POLE2: variants seen among roughly 807,000 people sequenced by gnomAD.
POLE2 encodes DNA polymerase epsilon subunit 2.
In POLE2, 56 loss-of-function variants were observed where a neutral mutation model predicts 79.4. That is an observed-to-expected ratio of 0.71 (90% CI 0.57 to 0.88). The LOEUF (loss-of-function observed/expected upper bound fraction) is 0.88. Ranked by LOEUF, POLE2 falls within the 40% of genes least tolerant of loss-of-function variation. POLE2 has a pLI of 0.00. For missense variants in POLE2, 598 were observed against 638.9 expected, an observed-to-expected ratio of 0.94 and a Z score of 0.69; for synonymous variants, 212 against 214.0, an observed-to-expected ratio of 0.99 and a Z score of 0.08.
At chr14:49,660,038 A>C (rs1884989258) in intron 10 of POLE2, among the ~76,000 whole-genome samples, 1 of 152,210 alleles carries the variant, frequency 6.6e-6, no homozygotes, top group Non-Finnish European at 1.5e-5. Context: ...ACTCAGAGCA[A>C]CTTCCAGCCC....
chr14:49,662,689 G>T (rs1362973489), intron 10 of POLE2, among the ~76,000 whole-genome samples: 1 of 152,220 alleles, frequency 6.6e-6, no homozygotes, highest in Admixed American at 6.5e-5. Flanking sequence ...AGGCCTTTAT[G>T]AGAAATCTTC....
chr14:49,661,785 CAAG>C (rs1345738985), intron 10 of POLE2, among the ~76,000 whole-genome samples: 3 of 152,136 alleles, frequency 2.0e-5, no homozygotes, highest in Non-Finnish European at 4.4e-5. Flanking sequence ...ATAATCCTAA[CAAG>C]AATAAAATGA....
chr14:49,656,582 A>G (rs1884695516), intron 10 of POLE2, among the ~76,000 whole-genome samples: 1 of 152,130 alleles, frequency 6.6e-6, no homozygotes, highest in Admixed American at 6.6e-5. Flanking sequence ...AAATTATTCA[A>G]CGGTTCCTTC....
intron 3 of POLE2, among the ~76,000 whole-genome samples, chr14:49,679,280 C>T (rs1276457480): frequency 6.6e-6 from 1 of 152,110 alleles, no homozygotes; most frequent in Non-Finnish European, 1.5e-5. Context: ...ATTCTTAAAC[C>T]TAAAAACATG....
intron 1 of POLE2, among the ~76,000 whole-genome samples, chr14:49,686,992 T>A (rs546889338): frequency 6.6e-6 from 1 of 152,002 alleles, no homozygotes; most frequent in East Asian, 1.9e-4. Context: ...GTATAAAATA[T>A]TGTGTTCTAG....
chr14:49,687,301 C>A (rs1169824873), intron 1 of POLE2, among the ~76,000 whole-genome samples: 30 of 19,898 alleles, frequency 1.5e-3, no homozygotes, highest in Admixed American at 6.3e-3. Context: ...ACACACACAC[C>A]ACACACACAC....
rs1425963388 is a variant in POLE2, at chr14:49,643,664, A to G, written c.1572T>C (p.Leu524=). 1 of 1,405,388 alleles carries G rather than the reference A, an allele frequency of 7.1e-7. No individual in the cohort carries two copies. Among genetic ancestry groups the G allele is most frequent in the Non-Finnish European group, 9.9e-7 (1 of 1,009,952 alleles). The allele number at this position is 1,405,388 out of a possible 1,614,324, so 87.1% of individuals were successfully genotyped here. The part of the protein sequence containing the change: ...PSNKTVEDSK[L]QGF ...ATCTTTAAGAATCTCAAAAGCCTTG[A>G]AGTTTGCTGAAAATAGAAAAAAAAA... Residue 524 remains leucine (L), a synonymous_variant, in exon 19 of 19, where the codon CTT becomes CTC. Transcript: ENST00000216367.
intron 10 of POLE2, among the ~76,000 whole-genome samples, chr14:49,662,468 A>T (rs547342555): frequency 3.3e-5 from 5 of 152,348 alleles, no homozygotes; most frequent in South Asian, 2.1e-4. Flanking sequence ...TTAGAAGGCA[A>T]CTACTTTAAT....
intron 1 of POLE2, among the ~76,000 whole-genome samples, chr14:49,687,396 C>A (rs910511362): frequency 4.6e-5 from 7 of 151,374 alleles, no homozygotes; most frequent in Non-Finnish European, 7.4e-5. Flanking sequence ...TGGGAAGGTT[C>A]ATATGTTCTA....
chr14:49,655,924 A>T, intron 10 of POLE2, 81 bp from the exon 11 acceptor site: 1 of 715,446 alleles, frequency 1.4e-6, no homozygotes, highest in Non-Finnish European at 2.3e-6. Context: ...GCTTCTTTGT[A>T]TCTAATGAAG....
At chr14:49,651,513 T>G (rs1464419879) in intron 15 of POLE2, 136 bp from the exon 16 acceptor site, 1 of 500,042 alleles carries the variant, frequency 2.0e-6, no homozygotes, top group East Asian at 3.1e-5. Flanking sequence ...AGTCTGTCTA[T>G]TCATCTATTC....
rs765101449 is a variant in POLE2, at chr14:49,655,653, A to G, written c.928+18T>C. ...CCCTTAAAAGAGTTCAAGAAAGAAG[A>G]AAAAAAATAAGACCTACCAGCAAAC... On this transcript the variant is annotated intron_variant, in intron 11 of 18. Transcript: ENST00000216367. 3.2e-6 allele frequency: 5 copies of G among 1,562,398 alleles called. No individual in the cohort carries two copies. Among genetic ancestry groups the G allele is most frequent in the Admixed American group, 2.0e-5 (1 of 51,062 alleles).
intron 5 of POLE2, 110 bp downstream of exon 5, chr14:49,674,013 G>T: frequency 1.4e-6 from 1 of 734,396 alleles, no homozygotes; most frequent in Non-Finnish European, 2.4e-6. Flanking sequence ...ACCAACTTTG[G>T]ACCACAAAAT....
intron 10 of POLE2, among the ~76,000 whole-genome samples, chr14:49,659,956 T>C (rs1884982555): frequency 6.6e-6 from 1 of 152,170 alleles, no homozygotes; most frequent in South Asian, 2.1e-4. Flanking sequence ...AAGTATACAG[T>C]GTTAATAGCC....
chr14:49,675,163 C>T (rs1276554534), intron 3 of POLE2, among the ~76,000 whole-genome samples: 1 of 151,490 alleles, frequency 6.6e-6, no homozygotes, highest in South Asian at 2.1e-4. Context: ...TGGCTCACCA[C>T]AACCTCCGCC....
At chr14:49,647,532 C>A (rs1258194699) in intron 17 of POLE2, among the ~76,000 whole-genome samples, 172 bp from the exon 18 acceptor site, 1 of 151,954 alleles carries the variant, frequency 6.6e-6, no homozygotes, top group Non-Finnish European at 1.5e-5. Flanking sequence ...AATCTCACTG[C>A]AACCTCCATT....
chr14:49,659,529 A>T (rs1239014064), intron 10 of POLE2, among the ~76,000 whole-genome samples: 1 of 152,198 alleles, frequency 6.6e-6, no homozygotes, highest in Non-Finnish European at 1.5e-5. Context: ...AAAATTTAAA[A>T]TTTTTTAAAG....
intron 1 of POLE2, 127 bp downstream of exon 1, chr14:49,688,008 AC>A: frequency 1.3e-6 from 1 of 749,098 alleles, no homozygotes; most frequent in East Asian, 3.0e-5. Flanking sequence ...GCTTCTTAGA[AC>A]TCTGAAATTT....
Position 49,651,366 on chromosome 14 carries a change from C to A in POLE2, c.1223G>T (p.Cys408Phe), listed in dbSNP as rs754285623. Residue 408 changes from cysteine (C) to phenylalanine (F), a missense_variant, in exon 16 of 19, where the codon TGT becomes TTT. Physicochemically the swap from Cys to Phe is radical, Grantham distance 205. Coordinates refer to ENST00000216367, the MANE Select transcript of POLE2 (RefSeq NM_002692.4). ...ACGGAAGACAGTAATTTCCTGTGTACAGTACTGAATTCTGAAATGAAAACA... is the reference window on the plus strand; with the variant it reads ...ACGGAAGACAGTAATTTCCTGTGTAAAGTACTGAATTCTGAAATGAAAACA... ...FTTNPCRIQYCTQEITVFRED... is the reference protein window; with the variant it reads ...FTTNPCRIQYFTQEITVFRED... 1 of 1,474,404 alleles carries A rather than the reference C, an allele frequency of 6.8e-7. No individual in the cohort carries two copies. Among genetic ancestry groups the A allele is most frequent in the African/African-American group, 1.4e-5 (1 of 71,856 alleles). The allele number at this position is 1,474,404 out of a possible 1,614,324, so 91.3% of individuals were successfully genotyped here.
Sources: gnomAD v4.1 joint callset for allele counts (sites outside exome capture counted in the v4.1 genomes callset) on GRCh38, gnomAD v4.1.1 for gene constraint, MANE v1.5 for transcripts, NCBI Gene and HGNC (gene_info 2026-07-23, HGNC 2026-07-21) for gene names.